Variants in PTPRN2 observed in about 807,000 individuals in gnomAD.
PTPRN2 encodes the protein receptor-type tyrosine-protein phosphatase N2.
PTPRN2 carries 74 observed loss-of-function variants against 118.8 expected under a neutral mutation model. The observed-to-expected ratio is 0.62, with a 90% CI of 0.52 to 0.76. The LOEUF (loss-of-function observed/expected upper bound fraction) is 0.76. Ranked by LOEUF, PTPRN2 falls within the 30% of genes least tolerant of loss-of-function variation. PTPRN2 has a pLI of 0.00. For missense variants in PTPRN2, 1,481 were observed against 1,394.4 expected, an observed-to-expected ratio of 1.06 and a Z score of -0.99; for synonymous variants, 641 against 608.0, an observed-to-expected ratio of 1.05 and a Z score of -0.80.
chr7:158,063,615 G>A (rs969716842), intron 11 of PTPRN2, among the ~76,000 whole-genome samples: 3 of 152,150 alleles, frequency 2.0e-5, no homozygotes, highest in African/African-American at 7.2e-5. Flanking sequence ...GCCTTTATGA[G>A]CTGTAACACT....
chr7:157,633,807 C>T (rs1451990774), intron 14 of PTPRN2, among the ~76,000 whole-genome samples: 1 of 152,208 alleles, frequency 6.6e-6, no homozygotes, highest in African/African-American at 2.4e-5. Context: ...GTCCGGCAGA[C>T]CAGGAGCTGT....
At chr7:157,581,754 G>A (rs574688881) in intron 17 of PTPRN2, among the ~76,000 whole-genome samples, 3 of 152,200 alleles carry the variant, frequency 2.0e-5, no homozygotes, top group African/African-American at 7.2e-5. Context: ...TTATATTGAC[G>A]TCCTAATCCC....
intron 14 of PTPRN2, among the ~76,000 whole-genome samples, chr7:157,635,784 T>C (rs866996672): frequency 7.2e-5 from 11 of 152,292 alleles, no homozygotes; most frequent in Middle Eastern, 3.4e-3. Flanking sequence ...TTTTCTATAA[T>C]TTTCTCCTAT....
intron 12 of PTPRN2, among the ~76,000 whole-genome samples, chr7:157,850,820 A>C (rs1479599221): frequency 1.3e-5 from 2 of 152,364 alleles, no homozygotes; most frequent in South Asian, 4.1e-4. Flanking sequence ...CTTTAAATTC[A>C]TGCAGGATCA....
At chr7:157,973,131 G>A (rs376727658) in intron 11 of PTPRN2, among the ~76,000 whole-genome samples, 1 of 152,208 alleles carries the variant, frequency 6.6e-6, no homozygotes, top group East Asian at 1.9e-4. Flanking sequence ...CGGCCTCACT[G>A]GCCTGCAGGA....
chr7:157,831,464 CCTGGGG>C lies in PTPRN2; in HGVS notation c.1788+67203_1788+67208del, dbSNP rs945290324. 2.6e-5 allele frequency among the ~76,000 whole-genome samples: 4 copies of C among 152,146 alleles called. No individual in the cohort carries two copies. Among genetic ancestry groups the C allele is most frequent in the African/African-American group, 7.2e-5 (3 of 41,438 alleles). On this transcript the variant is annotated intron_variant, in intron 12 of 22. Transcript: ENST00000389418. The surrounding 1 kb of genome is among the most constrained non-coding windows in gnomAD (Gnocchi z 4.8). ...CAGGGCTGGGTGCATTTGGAGTTGCCCTGGGGCTGGGGCTGGGAGACGGAGCTGCCC... is the reference window on the plus strand; with the variant it reads ...CAGGGCTGGGTGCATTTGGAGTTGCCCTGGGGCTGGGAGACGGAGCTGCCC...
rs531340663 is a variant in PTPRN2, at chr7:157,917,116, C to T, written c.1724-18379G>A. On this transcript the variant is annotated intron_variant, in intron 11 of 22. Coordinates refer to ENST00000389418, the MANE Select transcript of PTPRN2 (RefSeq NM_002847.5). The stretch of plus-strand genomic sequence containing the variant: ...CCAGGACACGTCCAACACACGTCCT[C>T]CTCCCTGGCTGAAGGTCCCCACCAC... Among the ~76,000 whole-genome samples the T allele has an allele frequency of 2.0e-5, 3 of 151,718 alleles. No homozygotes were observed. In the South Asian group the frequency reaches 6.3e-4, roughly 32 times the overall value.
chr7:158,264,405 C>T (rs1010015286), intron 3 of PTPRN2, among the ~76,000 whole-genome samples: 18 of 152,176 alleles, frequency 1.2e-4, no homozygotes, highest in African/African-American at 4.3e-4. Flanking sequence ...GCGTGCTGGA[C>T]ACACACGGTC....
At chr7:158,384,931 C>A (rs372590033) in intron 2 of PTPRN2, among the ~76,000 whole-genome samples, 29 of 152,116 alleles carry the variant, frequency 1.9e-4, no homozygotes, top group African/African-American at 7.0e-4. Flanking sequence ...GCCCTCACAG[C>A]AGTATTTGCT....
chr7:158,365,844 A>ACACGCG (rs1809423030), intron 2 of PTPRN2, among the ~76,000 whole-genome samples: 1 of 144,638 alleles, frequency 6.9e-6, no homozygotes, highest in African/African-American at 2.6e-5. Flanking sequence ...GTGCACACAC[A>ACACGCG]CACACCCACA....
At chr7:157,793,024 TTCTA>T (rs998512119) in intron 12 of PTPRN2, among the ~76,000 whole-genome samples, 12 of 152,100 alleles carry the variant, frequency 7.9e-5, no homozygotes, top group African/African-American at 2.9e-4. Flanking sequence ...GAGATAAATT[TTCTA>T]TCTATCTTGT....
intron 3 of PTPRN2, among the ~76,000 whole-genome samples, chr7:158,260,518 G>T (rs1423445182): frequency 6.6e-6 from 1 of 152,154 alleles, no homozygotes; most frequent in African/African-American, 2.4e-5. Context: ...GAGTCTATTT[G>T]AATAAAGCCC....
At chr7:157,816,457 G>C (rs778369975) in intron 12 of PTPRN2, among the ~76,000 whole-genome samples, 9 of 152,372 alleles carry the variant, frequency 5.9e-5, no homozygotes, top group Non-Finnish European at 1.3e-4. Context: ...GGATCTCAGA[G>C]TGGCCACACG....
At position 157,785,892 on chromosome 7, in the gene PTPRN2, T is replaced by C. The variant is rs571444801; in HGVS notation, c.1789-102955A>G. Among the ~76,000 whole-genome samples the C allele has an allele frequency of 3.9e-5, 6 of 152,072 alleles. No individual in the cohort carries two copies. The highest frequency in any genetic ancestry group is 7.4e-5 in the Non-Finnish European group (5 of 67,942). On this transcript the variant is annotated intron_variant, in intron 12 of 22. Transcript: ENST00000389418. This position sits in a 1 kb window ranked among gnomAD's most constrained non-coding sequence, Gnocchi z 7.3. ...AGTTCATAATCACTGGTTTTTTTTG[T>C]GTGCGTGTTCACCAGCCTGCTCACC...
intron 10 of PTPRN2, among the ~76,000 whole-genome samples, chr7:158,106,526 GACTC>G (rs1563442648): frequency 6.6e-6 from 1 of 152,130 alleles, no homozygotes; most frequent in Admixed American, 6.5e-5. Flanking sequence ...CACCTTTTCT[GACTC>G]ACTGTTTATC....
intron 10 of PTPRN2, among the ~76,000 whole-genome samples, chr7:158,101,571 TAAA>T (rs1421564706): frequency 1.3e-5 from 2 of 152,164 alleles, no homozygotes; most frequent in African/African-American, 4.8e-5. Flanking sequence ...ATCAGCAGAA[TAAA>T]CTCATTCCTT....
At chr7:158,268,536 ACG>A (rs1442914472) in intron 3 of PTPRN2, among the ~76,000 whole-genome samples, 1 of 130,030 alleles carries the variant, frequency 7.7e-6, no homozygotes, top group Admixed American at 7.9e-5. Context: ...TCCCAGCCAC[ACG>A]CACACAGGGC....
chr7:158,094,266 A>G (rs900021689), intron 10 of PTPRN2, among the ~76,000 whole-genome samples: 7 of 152,124 alleles, frequency 4.6e-5, no homozygotes, highest in African/African-American at 1.7e-4. Context: ...AACGCTCGCC[A>G]TTCCCGAAGG....
intron 2 of PTPRN2, among the ~76,000 whole-genome samples, chr7:158,331,867 A>T (rs1161932514): frequency 9.1e-6 from 1 of 109,778 alleles, no homozygotes; most frequent in African/African-American, 3.3e-5. Context: ...TCACCATAAG[A>T]GCTGACACCC....
Sources: allele counts gnomAD v4.1 joint callset (sites outside exome capture counted in the v4.1 genomes callset), GRCh38; gene constraint gnomAD v4.1.1; non-coding constraint Gnocchi (gnomAD v3.1); transcripts MANE v1.5; gene names NCBI Gene and HGNC (gene_info 2026-07-23, HGNC 2026-07-21).